Variants in C2orf76 observed in about 807,000 individuals in gnomAD.
C2orf76 encodes chromosome 2 open reading frame 76.
In C2orf76, 23 loss-of-function variants were observed where a neutral mutation model predicts 16.9. The observed-to-expected ratio is 1.36, with a 90% CI of 0.98 to 1.93. The LOEUF (loss-of-function observed/expected upper bound fraction) is 1.93. C2orf76 is among the 30% of genes most tolerant of loss of function. The pLI, the probability that C2orf76 is intolerant of heterozygous loss-of-function variation, is 0.00. For missense variants in C2orf76, 152 were observed against 152.6 expected, an observed-to-expected ratio of 1.00 and a Z score of 0.02; for synonymous variants, 48 against 52.3, an observed-to-expected ratio of 0.92 and a Z score of 0.35.
the C2orf76 span, among the ~76,000 whole-genome samples, chr2:119,284,231 G>A: frequency 6.6e-6 from 1 of 152,158 alleles, no homozygotes; most frequent in African/African-American, 2.4e-5. Flanking sequence ...CACTGACCAC[G>A]AGGGAATGTC....
chr2:119,325,064 AG>A (rs142865621), intron 2 of C2orf76, among the ~76,000 whole-genome samples: 12,529 of 152,090 alleles, frequency 0.082, 654 homozygotes, highest in African/African-American at 0.14. Context: ...GGCCGAGTGC[AG>A]GGGCTCACAC....
intron 1 of C2orf76, among the ~76,000 whole-genome samples, chr2:119,349,486 T>C (rs1038185929): frequency 6.6e-6 from 1 of 152,228 alleles, no homozygotes; most frequent in African/African-American, 2.4e-5. Context: ...CAGAGGAGTC[T>C]GAACTTGTCC....
At chr2:119,326,275 G>T (rs1160582605) in intron 2 of C2orf76, among the ~76,000 whole-genome samples, 1 of 152,088 alleles carries the variant, frequency 6.6e-6, no homozygotes, top group Non-Finnish European at 1.5e-5. Context: ...AAGCATTGAG[G>T]TTCATTTATT....
chr2:119,315,040 T>G (rs1474708025), intron 4 of C2orf76, among the ~76,000 whole-genome samples: 2 of 152,220 alleles, frequency 1.3e-5, no homozygotes, highest in Non-Finnish European at 2.9e-5. Flanking sequence ...TTAAGTTTTC[T>G]TTTTAAAGAC....
intron 5 of C2orf76, among the ~76,000 whole-genome samples, chr2:119,302,978 A>G (rs1261798747): frequency 1.3e-5 from 2 of 152,086 alleles, no homozygotes; most frequent in East Asian, 1.9e-4. Flanking sequence ...GCCTGTAGGT[A>G]TAATAATTTA....
At chr2:119,322,291 C>T (rs1164588327) in intron 2 of C2orf76, among the ~76,000 whole-genome samples, 8 of 152,052 alleles carry the variant, frequency 5.3e-5, no homozygotes, top group South Asian at 2.1e-4. Flanking sequence ...ACTGCAGCCT[C>T]GACCTCCCAG....
intron 1 of C2orf76, among the ~76,000 whole-genome samples, chr2:119,365,769 T>C (rs182837843): frequency 2.7e-4 from 41 of 152,332 alleles, no homozygotes; most frequent in African/African-American, 9.6e-4. Flanking sequence ...CAGACACCTG[T>C]GCTGCTCCTT....
chr2:119,294,155 C>T, the C2orf76 span, among the ~76,000 whole-genome samples: 3 of 152,066 alleles, frequency 2.0e-5, no homozygotes, highest in Admixed American at 6.5e-5. Context: ...AACCAGCAAA[C>T]GAGATGGGGA....
At position 119,312,756 on chromosome 2, in the gene C2orf76, G is replaced by A. The variant is rs372202758; in HGVS notation, c.223-1053C>T. ...TTTAAACTTGCTATTGACTGGGTGC[G>A]GTGGCTCATGCCTGTAATCCCAGCA... is the stretch of plus-strand genomic sequence containing the variant. On this transcript the variant is annotated intron_variant, in intron 4 of 5. Transcript: ENST00000334816. Among the ~76,000 whole-genome samples, 237 of 151,784 alleles carry A rather than the reference G, an allele frequency of 1.6e-3. 1 individual carries two copies. Among genetic ancestry groups the A allele is most frequent in the Middle Eastern group, 0.014 (4 of 294 alleles).
intron 1 of C2orf76, among the ~76,000 whole-genome samples, chr2:119,361,601 T>A (rs1330094366): frequency 6.6e-6 from 1 of 152,152 alleles, no homozygotes. Flanking sequence ...AGAATGTGCA[T>A]AAGTTACATG....
chr2:119,322,866 C>T (rs1396519796), intron 2 of C2orf76, among the ~76,000 whole-genome samples: 2 of 147,424 alleles, frequency 1.4e-5, no homozygotes, highest in Non-Finnish European at 3.0e-5. Flanking sequence ...GTGGGGAGGG[C>T]AGGGGGGTGC....
At chr2:119,360,639 G>A (rs1680716435) in intron 1 of C2orf76, among the ~76,000 whole-genome samples, 1 of 152,150 alleles carries the variant, frequency 6.6e-6, no homozygotes, top group Admixed American at 6.6e-5. Context: ...TTATGTCAGT[G>A]GTCTGTGACC....
the C2orf76 span, among the ~76,000 whole-genome samples, chr2:119,295,836 A>G: frequency 6.6e-6 from 1 of 152,090 alleles, no homozygotes; most frequent in Non-Finnish European, 1.5e-5. Flanking sequence ...CACTCATCCA[A>G]AGTGGCAGCA....
chr2:119,291,638 T>C, the C2orf76 span, among the ~76,000 whole-genome samples: 1 of 151,696 alleles, frequency 6.6e-6, no homozygotes, highest in African/African-American at 2.4e-5. Context: ...CACTGCTGGG[T>C]GGTGTGGTTG....
the C2orf76 span, among the ~76,000 whole-genome samples, chr2:119,286,606 A>G: frequency 1.3e-5 from 2 of 152,144 alleles, no homozygotes; most frequent in Admixed American, 1.3e-4. Flanking sequence ...ACCATGCCAG[A>G]GTGTGCTCGT....
chr2:119,366,873 G>A, upstream of C2orf76: 1 of 786,928 alleles, frequency 1.3e-6, no homozygotes, highest in Non-Finnish European at 2.0e-6. Context: ...CGCCGCGGCG[G>A]GGGCTGGGCA....
the C2orf76 span, among the ~76,000 whole-genome samples, chr2:119,293,121 G>C: frequency 1.3e-5 from 2 of 152,208 alleles, no homozygotes; most frequent in Admixed American, 1.3e-4. Context: ...ATCCCTGCTG[G>C]CCTATGAAGT....
intron 5 of C2orf76, among the ~76,000 whole-genome samples, chr2:119,305,193 T>C (rs1043783097): frequency 2.0e-5 from 3 of 152,188 alleles, no homozygotes; most frequent in Non-Finnish European, 4.4e-5. Flanking sequence ...GCAGGATCCT[T>C]TTAATACTGA....
At chr2:119,324,441 C>A (rs1679444061) in intron 2 of C2orf76, among the ~76,000 whole-genome samples, 1 of 152,084 alleles carries the variant, frequency 6.6e-6, no homozygotes, top group South Asian at 2.1e-4. Flanking sequence ...TTTATAAATT[C>A]CTCGGGATGA....
Sources: gnomAD v4.1 joint callset for allele counts (sites outside exome capture counted in the v4.1 genomes callset) on GRCh38, gnomAD v4.1.1 for gene constraint, MANE v1.5 for transcripts, NCBI Gene and HGNC (gene_info 2026-07-23, HGNC 2026-07-21) for gene names.